ZNG1C: variants seen among roughly 807,000 people sequenced by gnomAD.
ZNG1C encodes the protein Zn regulated GTPase metalloprotein activator 1C.
At chr9:68,296,840 T>G in the ZNG1C span, among the ~76,000 whole-genome samples, 1 of 151,300 alleles carries the variant, frequency 6.6e-6, no homozygotes, top group African/African-American at 2.4e-5. Context: ...GAGGAAATGT[T>G]AAGCTTCTGT....
chr9:68,244,662 T>C, the ZNG1C span, among the ~76,000 whole-genome samples: 1 of 130,134 alleles, frequency 7.7e-6, no homozygotes, highest in Non-Finnish European at 1.6e-5. Context: ...TTTCTTTTTT[T>C]CCTCTATGAA....
the ZNG1C span, among the ~76,000 whole-genome samples, chr9:68,293,242 A>G: frequency 6.6e-6 from 1 of 152,294 alleles, no homozygotes; most frequent in Non-Finnish European, 1.5e-5. Context: ...AGGACCTATA[A>G]AACAAAAATA....
chr9:68,287,556 AC>A, the ZNG1C span, among the ~76,000 whole-genome samples: 8 of 152,422 alleles, frequency 5.2e-5, no homozygotes, highest in Non-Finnish European at 7.3e-5. Context: ...TTTAAAAAAA[AC>A]AAATGTATTT....
chr9:68,284,895 ATTTT>A, the ZNG1C span, among the ~76,000 whole-genome samples: 58 of 127,300 alleles, frequency 4.6e-4, no homozygotes, highest in Admixed American at 5.4e-4. Flanking sequence ...TCGTTGTTAG[ATTTT>A]TTTTTTTTTT....
the ZNG1C span, among the ~76,000 whole-genome samples, chr9:68,288,647 ATTTTT>A: frequency 0.27 from 15,465 of 57,330 alleles, 127 homozygotes; most frequent in East Asian, 0.33. Context: ...TAATTTTTGT[ATTTTT>A]TTTTTTTTTT....
the ZNG1C span, among the ~76,000 whole-genome samples, chr9:68,291,681 T>C: frequency 6.9e-6 from 1 of 144,938 alleles, no homozygotes; most frequent in African/African-American, 2.6e-5. Context: ...AATTTGAATC[T>C]TTTTTTAGTC....
chr9:68,259,755 CT>C, the ZNG1C span, among the ~76,000 whole-genome samples: 9 of 152,198 alleles, frequency 5.9e-5, no homozygotes, highest in Non-Finnish European at 7.3e-5. Context: ...AAGTGATCCA[CT>C]TGCCTCGGCC....
At chr9:68,249,337 C>T in the ZNG1C span, among the ~76,000 whole-genome samples, 1 of 125,096 alleles carries the variant, frequency 8.0e-6, no homozygotes, top group South Asian at 2.9e-4. Context: ...CACATCCTCC[C>T]ATATACTTTA....
chr9:68,264,852 T>TAG, the ZNG1C span, among the ~76,000 whole-genome samples: 1 of 85,546 alleles, frequency 1.2e-5, no homozygotes, highest in African/African-American at 4.4e-5. Context: ...TATATATATA[T>TAG]ATATGTATAA....
chr9:68,255,599 CAGTAGG>C, the ZNG1C span, among the ~76,000 whole-genome samples: 1 of 146,510 alleles, frequency 6.8e-6, no homozygotes, highest in Non-Finnish European at 1.5e-5. Flanking sequence ...CAAATATTAA[CAGTAGG>C]ATTTGTAAAC....
chr9:68,266,713 G>GTTTT, the ZNG1C span, among the ~76,000 whole-genome samples: 6 of 115,828 alleles, frequency 5.2e-5, no homozygotes, highest in East Asian at 1.2e-3. Flanking sequence ...TTCTTGTTCT[G>GTTTT]TTTTTTTTTT....
At chr9:68,247,483 T>A in the ZNG1C span, 2 of 1,597,388 alleles carry the variant, frequency 1.3e-6, no homozygotes, top group Non-Finnish European at 1.7e-6. Context: ...GCTGCATGAA[T>A]AAAGTGAAAG....
At chr9:68,255,179 TG>T in the ZNG1C span, among the ~76,000 whole-genome samples, 129 of 105,608 alleles carry the variant, frequency 1.2e-3, no homozygotes, top group Middle Eastern at 4.6e-3. Context: ...TTTTATTTTT[TG>T]TTTTATTAGA....
chr9:68,288,652 T>A, the ZNG1C span, among the ~76,000 whole-genome samples: 1 of 14,686 alleles, frequency 6.8e-5, no homozygotes, highest in Non-Finnish European at 4.3e-4. Flanking sequence ...TTTGTATTTT[T>A]TTTTTTTTTT....
At chr9:68,286,941 T>C in the ZNG1C span, among the ~76,000 whole-genome samples, 1 of 128,548 alleles carries the variant, frequency 7.8e-6, no homozygotes, top group South Asian at 2.4e-4. Flanking sequence ...AAAAACTCAG[T>C]TCTTTATGAT....
the ZNG1C span, among the ~76,000 whole-genome samples, chr9:68,281,616 AC>A: frequency 1.1e-5 from 1 of 92,452 alleles, no homozygotes; most frequent in Non-Finnish European, 2.4e-5. Flanking sequence ...GAAGCTTTAT[AC>A]CCCTTGAATA....
chr9:68,281,225 C>A, the ZNG1C span, among the ~76,000 whole-genome samples: 2 of 152,266 alleles, frequency 1.3e-5, no homozygotes, highest in Non-Finnish European at 2.9e-5. Flanking sequence ...CACTGACCTG[C>A]GCCCACTGTC....
chr9:68,285,209 C>CA, the ZNG1C span: 1 of 28,544 alleles, frequency 3.5e-5, no homozygotes, highest in Admixed American at 4.1e-4. Flanking sequence ...CTAGGACCCC[C>CA]CCAAAGAGAC....
At chr9:68,287,442 A>G in the ZNG1C span, among the ~76,000 whole-genome samples, 1 of 152,044 alleles carries the variant, frequency 6.6e-6, no homozygotes, top group South Asian at 2.1e-4. Context: ...GAATAAACAG[A>G]ATAGTAAAGT....
Sources: allele counts gnomAD v4.1 joint callset (sites outside exome capture counted in the v4.1 genomes callset), GRCh38; gene constraint gnomAD v4.1.1; transcripts MANE v1.5; gene names NCBI Gene and HGNC (gene_info 2026-07-23, HGNC 2026-07-21).